The following EXOC4 variants were observed in gnomAD, a reference collection of about 807,000 sequenced individuals.
The protein encoded by EXOC4 is SEC8-like 1.
A neutral mutation model predicts 107.2 loss-of-function variants in EXOC4; 71 were observed. That is an observed-to-expected ratio of 0.66 (90% CI 0.55 to 0.81). EXOC4 has a LOEUF of 0.81. Among genes scored for constraint, EXOC4 ranks in the 30% least tolerant of loss-of-function variants. The pLI, the probability that EXOC4 is intolerant of heterozygous loss-of-function variation, is 0.00. For missense variants in EXOC4, 1,108 were observed against 1,189.6 expected, an observed-to-expected ratio of 0.93 and a Z score of 1.01; for synonymous variants, 456 against 441.2, an observed-to-expected ratio of 1.03 and a Z score of -0.42.
chr7:133,572,019 A>C (rs1046617549), intron 9 of EXOC4, among the ~76,000 whole-genome samples: 1 of 152,226 alleles, frequency 6.6e-6, no homozygotes, highest in African/African-American at 2.4e-5. Flanking sequence ...ATGAAAAATT[A>C]GTATTTGCTG....
chr7:133,869,149 C>A (rs1798701985), intron 11 of EXOC4, among the ~76,000 whole-genome samples: 1 of 151,944 alleles, frequency 6.6e-6, no homozygotes, highest in Non-Finnish European at 1.5e-5. Context: ...GAACGGCACT[C>A]ATATATACCT....
chr7:133,716,358 G>C (rs533502158), intron 10 of EXOC4, among the ~76,000 whole-genome samples: 29 of 152,316 alleles, frequency 1.9e-4, no homozygotes, highest in African/African-American at 7.0e-4. Flanking sequence ...GTATATGGGA[G>C]CGAGTCTTGG....
chr7:133,774,790 G>A (rs1383297207), intron 10 of EXOC4, among the ~76,000 whole-genome samples: 1 of 152,026 alleles, frequency 6.6e-6, no homozygotes, highest in Non-Finnish European at 1.5e-5. Context: ...CTCATCTCTG[G>A]AGTAATTTCA....
chr7:133,878,707 C>T (rs754523431), intron 11 of EXOC4, among the ~76,000 whole-genome samples: 1 of 151,990 alleles, frequency 6.6e-6, no homozygotes, highest in African/African-American at 2.4e-5. Context: ...GGTCAACTTT[C>T]ATTTTGTTTT....
intron 7 of EXOC4, among the ~76,000 whole-genome samples, chr7:133,439,248 G>T (rs1008920731): frequency 6.7e-6 from 1 of 149,546 alleles, no homozygotes; most frequent in Non-Finnish European, 1.5e-5. Flanking sequence ...GCAGTGGGGC[G>T]ATCTCGGCTT....
At chr7:133,923,177 G>A (rs914439208) in intron 13 of EXOC4, among the ~76,000 whole-genome samples, 2 of 139,914 alleles carry the variant, frequency 1.4e-5, no homozygotes, top group African/African-American at 2.7e-5. Flanking sequence ...CGCCCAGGCT[G>A]TAGCGTAGTG....
intron 13 of EXOC4, among the ~76,000 whole-genome samples, chr7:133,923,203 A>G (rs933330866): frequency 2.8e-5 from 4 of 141,728 alleles, no homozygotes; most frequent in African/African-American, 1.1e-4. Flanking sequence ...ATCTCAGCCC[A>G]CTGCAACTGC....
intron 10 of EXOC4, among the ~76,000 whole-genome samples, chr7:133,773,559 G>A (rs1313522900): frequency 2.0e-5 from 3 of 151,762 alleles, no homozygotes; most frequent in Admixed American, 2.0e-4. Context: ...GGCTCTATCA[G>A]AGCAGATCAT....
rs180698598 is a variant in EXOC4, at chr7:133,631,694, G to T, written c.1514+1553G>T. Among the ~76,000 whole-genome samples the T allele has an allele frequency of 5.0e-3, 754 of 152,126 alleles. 5 individuals carry two copies. Among genetic ancestry groups the T allele is most frequent in the South Asian group, 0.019 (94 of 4,822 alleles). ...AAACTATTTCTCTGTAGGTTTAGTT[G>T]ATAAGTACTATATGTATATAATAAG... On this transcript the variant is annotated intron_variant, in intron 10 of 17. Coordinates refer to ENST00000253861, the MANE Select transcript of EXOC4 (RefSeq NM_021807.4).
intron 2 of EXOC4, among the ~76,000 whole-genome samples, chr7:133,277,310 T>C (rs908538182): frequency 6.6e-6 from 1 of 152,214 alleles, no homozygotes; most frequent in African/African-American, 2.4e-5. Context: ...TGTATAGAGC[T>C]GCTGACCTTC....
intron 6 of EXOC4, among the ~76,000 whole-genome samples, chr7:133,372,683 C>A (rs955279705): frequency 2.0e-5 from 3 of 152,178 alleles, no homozygotes; most frequent in Admixed American, 2.0e-4. Context: ...AGAGGAGCCA[C>A]TTTTCTGTTA....
intron 13 of EXOC4, among the ~76,000 whole-genome samples, chr7:133,936,323 A>G (rs1800299007): frequency 6.6e-6 from 1 of 152,228 alleles, no homozygotes; most frequent in Admixed American, 6.5e-5. Context: ...TTAGATAACG[A>G]TTTGATTCAC....
At chr7:133,968,283 G>A (rs1200894018) in intron 14 of EXOC4, among the ~76,000 whole-genome samples, 2 of 152,108 alleles carry the variant, frequency 1.3e-5, no homozygotes, top group Non-Finnish European at 2.9e-5. Flanking sequence ...AATGGGTCTT[G>A]ACTCTATCCA....
At chr7:133,636,948 GTA>G (rs1459608726) in intron 10 of EXOC4, among the ~76,000 whole-genome samples, 1 of 152,146 alleles carries the variant, frequency 6.6e-6, no homozygotes, top group Non-Finnish European at 1.5e-5. Flanking sequence ...ATCATCTAAT[GTA>G]TAGAGAATAA....
At chr7:133,502,429 G>T (rs929184619) in intron 9 of EXOC4, among the ~76,000 whole-genome samples, 1 of 152,120 alleles carries the variant, frequency 6.6e-6, no homozygotes, top group African/African-American at 2.4e-5. Context: ...TGGATATTCA[G>T]TGGCTGAACA....
chr7:133,299,151 A>G (rs10232603), intron 3 of EXOC4, among the ~76,000 whole-genome samples: 53,487 of 151,792 alleles, frequency 0.35, 12,129 homozygotes, highest in African/African-American at 0.65. Flanking sequence ...GTAATTTTCT[A>G]TGTTTTTCAA....
chr7:134,025,930 A>G lies in EXOC4; in HGVS notation c.2687+18095A>G, dbSNP rs141640023. Among the ~76,000 whole-genome samples the G allele has an allele frequency of 1.7e-3, 261 of 152,294 alleles. 1 individual carries two copies. Among genetic ancestry groups the G allele is most frequent in the African/African-American group, 5.8e-3 (240 of 41,564 alleles). ...GCATGAATGACGGGAGGCATGTTTC[A>G]TTAGGAGTTATCTTTGGAATTTAGT... On this transcript the variant is annotated intron_variant, in intron 17 of 17. Coordinates refer to ENST00000253861, the MANE Select transcript of EXOC4 (RefSeq NM_021807.4).
At chr7:133,917,086 G>A (rs181115834) in intron 12 of EXOC4, among the ~76,000 whole-genome samples, 2 of 152,228 alleles carry the variant, frequency 1.3e-5, no homozygotes, top group Admixed American at 1.3e-4. Context: ...TGGTATATTG[G>A]CTGTGAAGAG....
chr7:133,379,883 C>T (rs1796574748), intron 7 of EXOC4, among the ~76,000 whole-genome samples: 1 of 152,080 alleles, frequency 6.6e-6, no homozygotes, highest in Admixed American at 6.6e-5. Context: ...TTGTAATGAA[C>T]TAAGCAACTT....
Sources: gnomAD v4.1 joint callset for allele counts (sites outside exome capture counted in the v4.1 genomes callset) on GRCh38, gnomAD v4.1.1 for gene constraint, MANE v1.5 for transcripts, NCBI Gene and HGNC (gene_info 2026-07-23, HGNC 2026-07-21) for gene names.